Variants in MARCHF10 observed in about 807,000 individuals in gnomAD.
MARCHF10 encodes probable E3 ubiquitin-protein ligase MARCHF10.
A neutral mutation model predicts 76.2 loss-of-function variants in MARCHF10; 64 were observed. The ratio of observed to expected loss-of-function variants is 0.84; its 90% confidence interval spans 0.69 to 1.03. The LOEUF (loss-of-function observed/expected upper bound fraction) is 1.03, where lower values mean the gene tolerates loss of function less well. Among genes scored for constraint, MARCHF10 ranks in the 50% least tolerant of loss-of-function variants. The pLI is 0.00. For synonymous variants in MARCHF10, 340 were observed against 357.5 expected, an observed-to-expected ratio of 0.95 and a Z score of 0.55; for missense variants, 875 against 958.0, an observed-to-expected ratio of 0.91 and a Z score of 1.14.
chr17:62,806,234 C>A (rs1369558328), intron 1 of MARCHF10, among the ~76,000 whole-genome samples: 1 of 152,160 alleles, frequency 6.6e-6, no homozygotes, highest in African/African-American at 2.4e-5. Flanking sequence ...ACAGAAATAA[C>A]AGTATGGAAA....
intron 4 of MARCHF10, among the ~76,000 whole-genome samples, chr17:62,759,089 C>T (rs1015481527): frequency 6.6e-6 from 1 of 152,166 alleles, no homozygotes; most frequent in Non-Finnish European, 1.5e-5. Context: ...TATCAAGCAC[C>T]TTTTCTCTCA....
chr17:62,723,559 C>CTTTTTTTTTTTTTTTTTTTTTTTTTTTT lies in MARCHF10; in HGVS notation c.2105-963_2105-962insAAAAAAAAAAAAAAAAAAAAAAAAAAAA, dbSNP rs60456766. Among the ~76,000 whole-genome samples the CTTTTTTTTTTTTTTTTTTTTTTTTTTTT allele has an allele frequency of 8.3e-4, 67 of 80,356 alleles. 7 individuals are homozygous for CTTTTTTTTTTTTTTTTTTTTTTTTTTTT. The highest frequency in any genetic ancestry group is 1.3e-3 in the South Asian group (3 of 2,314). 52.7% of individuals were successfully genotyped at this position (80,356 alleles called of 152,430 possible). On this transcript the variant is annotated intron_variant, in intron 7 of 10. Coordinates refer to ENST00000311269, the MANE Select transcript of MARCHF10 (RefSeq NM_152598.4). ...CCTTATCTGCATTTTGTTCGCTTGA[C>CTTTTTTTTTTTTTTTTTTTTTTTTTTTT]TTTTTTTTTTTTTTTTTTTAGCGTC...
chr17:62,702,096 C>T lies in MARCHF10; in HGVS notation c.2372-338G>A, dbSNP rs145565856. ...CTCTCAGGGTAAGGCCCCACTTGAA[C>T]CCCCGCTTCCTAATTTGGCAGGGAA... On this transcript the variant is annotated intron_variant, in intron 10 of 10. Transcript: ENST00000311269. Among the ~76,000 whole-genome samples, 43 of 152,270 alleles carry T rather than the reference C, an allele frequency of 2.8e-4. No individual in the cohort carries two copies. In the East Asian group the frequency reaches 6.4e-3, roughly 23 times the overall value.
At chr17:62,708,754 TC>T (rs2089744784) in intron 9 of MARCHF10, among the ~76,000 whole-genome samples, 1 of 152,360 alleles carries the variant, frequency 6.6e-6, no homozygotes, top group Admixed American at 6.5e-5. Context: ...CACTCAATGT[TC>T]CTGGTATCCA....
At chr17:62,704,776 T>C (rs1395967197) in intron 10 of MARCHF10, among the ~76,000 whole-genome samples, 1 of 152,226 alleles carries the variant, frequency 6.6e-6, no homozygotes, top group Non-Finnish European at 1.5e-5. Context: ...GCCACTGTTC[T>C]AAGGGCTTTT....
chr17:62,800,855 T>C (rs1263100950), intron 2 of MARCHF10, among the ~76,000 whole-genome samples: 4 of 152,208 alleles, frequency 2.6e-5, no homozygotes, highest in Non-Finnish European at 5.9e-5. Flanking sequence ...GTTTTGGTTT[T>C]GCACGTAAAC....
intron 6 of MARCHF10, among the ~76,000 whole-genome samples, chr17:62,733,741 T>C (rs1280719013): frequency 6.6e-6 from 1 of 152,206 alleles, no homozygotes; most frequent in Non-Finnish European, 1.5e-5. Context: ...TACTTTGTAG[T>C]GTGAAAAGAA....
chr17:62,794,000 A>C (rs958101144), intron 2 of MARCHF10, among the ~76,000 whole-genome samples: 1 of 148,280 alleles, frequency 6.7e-6, no homozygotes, highest in Non-Finnish European at 1.5e-5. Flanking sequence ...CACCACCTCC[A>C]TCATGACCAC....
At chr17:62,783,328 T>A (rs1182073119) in intron 3 of MARCHF10, among the ~76,000 whole-genome samples, 1 of 148,514 alleles carries the variant, frequency 6.7e-6, no homozygotes. Flanking sequence ...TTGAAACCAA[T>A]GAGAACAAAG....
intron 5 of MARCHF10, among the ~76,000 whole-genome samples, chr17:62,740,049 AGTGTGTGTGTGTGTGTGT>A (rs112894135): frequency 1.4e-5 from 2 of 145,432 alleles, no homozygotes; most frequent in Non-Finnish European, 3.0e-5. Flanking sequence ...GCTTCTCTGC[AGTGTGTGTGTGTGTGTGT>A]GTGTGTGTGT....
At chr17:62,729,158 G>A (rs1487953870) in intron 6 of MARCHF10, among the ~76,000 whole-genome samples, 1 of 151,934 alleles carries the variant, frequency 6.6e-6, no homozygotes, top group Non-Finnish European at 1.5e-5. Flanking sequence ...GCCCAGGCTG[G>A]TCTTGAATTC....
chr17:62,802,864 G>C (rs1489343653), intron 1 of MARCHF10, among the ~76,000 whole-genome samples: 4 of 152,200 alleles, frequency 2.6e-5, no homozygotes, highest in African/African-American at 9.6e-5. Context: ...AGCTCCCATG[G>C]GGCCTCAAAG....
At chr17:62,739,931 A>T (rs1233972678) in intron 5 of MARCHF10, among the ~76,000 whole-genome samples, 3 of 152,174 alleles carry the variant, frequency 2.0e-5, no homozygotes, top group African/African-American at 7.2e-5. Flanking sequence ...GGGACAGAAG[A>T]AGTCCCAGGG....
At chr17:62,714,218 G>T (rs994926092) in intron 8 of MARCHF10, among the ~76,000 whole-genome samples, 62 of 152,208 alleles carry the variant, frequency 4.1e-4, no homozygotes, top group Non-Finnish European at 8.1e-4. Context: ...TCAGTGAGCA[G>T]GGGCCCCTGG....
intron 3 of MARCHF10, among the ~76,000 whole-genome samples, chr17:62,782,505 G>A (rs2092677250): frequency 6.6e-6 from 1 of 151,828 alleles, no homozygotes; most frequent in African/African-American, 2.4e-5. Flanking sequence ...ATGCCACCAC[G>A]CCCAGTTAAT....
chr17:62,723,504 T>C (rs1388513444), intron 7 of MARCHF10, among the ~76,000 whole-genome samples: 1 of 150,004 alleles, frequency 6.7e-6, no homozygotes, highest in East Asian at 2.0e-4. Context: ...ATAGAGACTT[T>C]CAAAGGGCAA....
At chr17:62,804,247 C>T (rs2093127089) in intron 1 of MARCHF10, among the ~76,000 whole-genome samples, 2 of 152,040 alleles carry the variant, frequency 1.3e-5, no homozygotes, top group South Asian at 2.1e-4. Context: ...GTCTGCGGTG[C>T]GGCAAACGGA....
intron 3 of MARCHF10, among the ~76,000 whole-genome samples, chr17:62,772,832 A>G (rs1220226022): frequency 2.6e-5 from 4 of 152,248 alleles, no homozygotes; most frequent in African/African-American, 7.2e-5. Flanking sequence ...TAGAAATCAC[A>G]GATATTTTCA....
rs1599254858 is a variant in MARCHF10 at position 62,759,930 on chromosome 17, A to G, written c.287T>C (p.Leu96Pro). The G allele has an allele frequency of 2.5e-6, 4 of 1,613,996 alleles. No individual in the cohort carries two copies. The highest frequency in any genetic ancestry group is 3.4e-6 in the Non-Finnish European group (4 of 1,180,024). ...GACTGATGTTTGGTCAATTGCTGGA[A>G]GTTTGGAGTCACACTTAAATGCAGA... ...KISAFKCDSK[L>P]PAIDQTSVKQ... The change falls in exon 4 of 11, where the codon CTT becomes CCT. Residue 96 changes from leucine to proline, a missense_variant. Leu to Pro is a moderately conservative substitution (Grantham distance 98). Coordinates refer to ENST00000311269, the MANE Select transcript of MARCHF10 (RefSeq NM_152598.4).
Sources: gnomAD v4.1 joint callset for allele counts (sites outside exome capture counted in the v4.1 genomes callset) on GRCh38, gnomAD v4.1.1 for gene constraint, MANE v1.5 for transcripts, NCBI Gene and HGNC (gene_info 2026-07-23, HGNC 2026-07-21) for gene names.